Variants in FUT8 observed in about 807,000 individuals in gnomAD.
FUT8 encodes the protein fucosyltransferase 8.
A neutral mutation model predicts 71.3 loss-of-function variants in FUT8; 29 were observed. The observed-to-expected ratio is 0.41, with a 90% CI of 0.30 to 0.55. FUT8 has a LOEUF of 0.55. Among genes scored for constraint, FUT8 ranks in the 20% least tolerant of loss-of-function variants. The pLI is 0.34. For missense variants in FUT8, 544 were observed against 702.1 expected (o/e 0.77, Z 2.55); for synonymous variants, 254 against 239.3 (o/e 1.06, Z -0.57).
At chr14:65,582,450 A>T (rs976188674) in intron 3 of FUT8, among the ~76,000 whole-genome samples, 1 of 152,134 alleles carries the variant, frequency 6.6e-6, no homozygotes. Context: ...ACAACCCACT[A>T]TGCTTCATGT....
rs1388131337 is a variant in FUT8 at position 65,616,218 on chromosome 14, G to A, written c.327G>A (p.Gly109=). The change falls in exon 5 of 11, where the codon GGG becomes GGA. Residue 109 remains glycine, a synonymous_variant. Coordinates refer to ENST00000673929, the MANE Select transcript of FUT8 (RefSeq NM_001371533.1). ...NYKKQTRNGL[G]KDHEILRRRI... ...TCTATTCTTTGACTACAGGTCTGGG[G>A]AAGGATCATGAAATCCTGAGGAGGA... The A allele has an allele frequency of 6.2e-7, 1 of 1,605,356 alleles. No individual in the cohort carries two copies. Among genetic ancestry groups the A allele is most frequent in the African/African-American group, 1.3e-5 (1 of 74,258 alleles).
In FUT8 at chr14:65,663,689, A is replaced by G. The variant is rs575096668; in HGVS notation, c.598-5554A>G. Among the ~76,000 whole-genome samples, 234 of 152,090 alleles carry G rather than the reference A, an allele frequency of 1.5e-3. 1 individual carries two copies. The highest frequency in any genetic ancestry group is 5.1e-3 in the African/African-American group (212 of 41,522). ...CATAATGGATTTTCCCTCTTTCTTT[A>G]TGTCCTCTATGACATAAACAGAAAA... On this transcript the variant is annotated intron_variant, in intron 6 of 10. Transcript: ENST00000673929.
chr14:65,722,522 A>G (rs1290946956), intron 8 of FUT8, among the ~76,000 whole-genome samples: 1 of 152,218 alleles, frequency 6.6e-6, no homozygotes, highest in African/African-American at 2.4e-5. Flanking sequence ...CTTCATATGT[A>G]GAGGAGTTAT....
intron 2 of FUT8, among the ~76,000 whole-genome samples, chr14:65,510,294 A>G (rs1882248343): frequency 6.6e-6 from 1 of 152,056 alleles, no homozygotes; most frequent in Non-Finnish European, 1.5e-5. Flanking sequence ...GGTCATGATG[A>G]ATGATCTTTT....
chr14:65,673,804 T>G (rs1192629236), intron 7 of FUT8, among the ~76,000 whole-genome samples: 1 of 152,234 alleles, frequency 6.6e-6, no homozygotes, highest in Non-Finnish European at 1.5e-5. Flanking sequence ...TTTTTGATTT[T>G]GGTTTAGAGA....
intron 2 of FUT8, among the ~76,000 whole-genome samples, chr14:65,496,225 C>T (rs61990022): frequency 0.018 from 2,677 of 152,222 alleles, 37 homozygotes; most frequent in Non-Finnish European, 0.025. Context: ...ATTCCTTTAA[C>T]ATATTTTCAG....
At chr14:65,685,920 G>A (rs1893266574) in intron 7 of FUT8, among the ~76,000 whole-genome samples, 2 of 152,192 alleles carry the variant, frequency 1.3e-5, no homozygotes, top group South Asian at 4.1e-4. Context: ...CTTTATGCAA[G>A]TTGTTTTATC....
At chr14:65,626,720 G>A (rs186479643) in intron 5 of FUT8, among the ~76,000 whole-genome samples, 12 of 152,246 alleles carry the variant, frequency 7.9e-5, no homozygotes, top group African/African-American at 2.4e-4. Flanking sequence ...TAATACATCA[G>A]TTTTCTCTAA....
chr14:65,717,406 A>T (rs558921109), intron 7 of FUT8, among the ~76,000 whole-genome samples: 1 of 129,470 alleles, frequency 7.7e-6, no homozygotes, highest in South Asian at 2.7e-4. Context: ...CACCTCCCAG[A>T]TGGGGCAGCT....
intron 3 of FUT8, among the ~76,000 whole-genome samples, chr14:65,583,227 G>A (rs1256225434): frequency 1.3e-5 from 2 of 151,804 alleles, no homozygotes; most frequent in Non-Finnish European, 2.9e-5. Flanking sequence ...CCCAGGCTGA[G>A]TGCAGTGGTG....
intron 7 of FUT8, among the ~76,000 whole-genome samples, chr14:65,690,604 AGACTTT>A (rs1277285521): frequency 6.6e-6 from 1 of 151,846 alleles, no homozygotes; most frequent in Admixed American, 6.6e-5. Flanking sequence ...GTATTTTATT[AGACTTT>A]AACTTCTGTC....
intron 10 of FUT8, among the ~76,000 whole-genome samples, chr14:65,736,750 C>A (rs1183240949): frequency 8.6e-5 from 13 of 151,966 alleles, no homozygotes; most frequent in Admixed American, 8.5e-4. Flanking sequence ...AAGATAAACA[C>A]TGAGAATAAG....
rs923143357 is a variant in FUT8 at position 65,455,628 on chromosome 14, C to G, written c.-318C>G. On this transcript the variant is annotated 5_prime_UTR_variant, in exon 2 of 11. Transcript: ENST00000673929. ...ATTTTTATTTTGTTTCAGGTTGCTG[C>G]TTTTGCTCAGAGGACATCCATGACC... The G allele has an allele frequency of 2.5e-6, 1 of 398,220 alleles. No individual in the cohort carries two copies. The highest frequency in any genetic ancestry group is 4.4e-6 in the Non-Finnish European group (1 of 225,918). 24.7% of individuals were successfully genotyped at this position (398,220 alleles called of 1,614,324 possible). A position where few individuals can be genotyped will look rare whatever the true frequency, so the allele number is the denominator to read the frequency against.
chr14:65,650,062 C>G (rs1891293364), intron 6 of FUT8, among the ~76,000 whole-genome samples: 1 of 151,964 alleles, frequency 6.6e-6, no homozygotes, highest in Non-Finnish European at 1.5e-5. Context: ...TTTGGGAGGC[C>G]AAGGCGGGCG....
chr14:65,407,743 G>A (rs2065093272), upstream of FUT8, among the ~76,000 whole-genome samples: 4 of 152,338 alleles, frequency 2.6e-5, no homozygotes, highest in South Asian at 8.3e-4. Context: ...AGAATTAATA[G>A]TCCAGGAAAG....
At chr14:65,651,282 T>G (rs1373985482) in intron 6 of FUT8, among the ~76,000 whole-genome samples, 1 of 152,214 alleles carries the variant, frequency 6.6e-6, no homozygotes, top group Non-Finnish European at 1.5e-5. Context: ...AGAAAAAGGT[T>G]TTAGAATTGG....
At chr14:65,624,993 G>C (rs1402584457) in intron 5 of FUT8, among the ~76,000 whole-genome samples, 1 of 152,150 alleles carries the variant, frequency 6.6e-6, no homozygotes, top group African/African-American at 2.4e-5. Context: ...TTGAACCTGG[G>C]AGGCGGAGGT....
the FUT8 span, among the ~76,000 whole-genome samples, chr14:65,366,723 G>A: frequency 7.9e-5 from 12 of 152,240 alleles, no homozygotes; most frequent in East Asian, 7.7e-4. Flanking sequence ...AATGACTCCT[G>A]CCCCTCAAAA....
At chr14:65,368,939 C>T in the FUT8 span, among the ~76,000 whole-genome samples, 5 of 152,200 alleles carry the variant, frequency 3.3e-5, no homozygotes, top group Non-Finnish European at 7.3e-5. Context: ...GGATTACAGG[C>T]GTGAGCCACC....
Sources: allele counts gnomAD v4.1 joint callset (sites outside exome capture counted in the v4.1 genomes callset), GRCh38; gene constraint gnomAD v4.1.1; transcripts MANE v1.5; gene names NCBI Gene and HGNC (gene_info 2026-07-23, HGNC 2026-07-21).